The following LRRC7 variants were observed in gnomAD, a reference collection of about 807,000 sequenced individuals.
The protein encoded by LRRC7 is leucine rich repeat containing 7.
LRRC7 carries 23 observed loss-of-function variants against 175.7 expected under a neutral mutation model. The ratio of observed to expected loss-of-function variants is 0.13; its 90% CI spans 0.09 to 0.19. The LOEUF is 0.19. Ranked by LOEUF, LRRC7 falls within the 10% of genes least tolerant of loss-of-function variation. The probability of loss-of-function intolerance (pLI) is 1.00; values close to 1 mark genes in which losing one functional copy is unlikely to be tolerated. For missense variants in LRRC7, 1,354 were observed against 1,904.7 expected (o/e 0.71, Z 5.38); for synonymous variants, 685 against 680.9 (o/e 1.01, Z -0.09).
chr1:70,091,046 A>T (rs1443108192), intron 25 of LRRC7, among the ~76,000 whole-genome samples: 1 of 152,168 alleles, frequency 6.6e-6, no homozygotes, highest in African/African-American at 2.4e-5. Flanking sequence ...ATCTCCAGTG[A>T]CCAAGGATGG....
In LRRC7 at chr1:69,908,569, G is replaced by A. The variant is rs552656684; in HGVS notation, c.648-22938G>A. On this transcript the variant is annotated intron_variant, in intron 7 of 26. Transcript: ENST00000651989. ...TTGTTCAGTTTCCATGTAGTTGAGC[G>A]GTTTTGAGTGAGTTTGTTAGTCCTG... Among the ~76,000 whole-genome samples the A allele has an allele frequency of 2.9e-3, 436 of 152,024 alleles. 3 individuals are homozygous for A. The highest frequency in any genetic ancestry group is 9.0e-3 in the African/African-American group (371 of 41,420).
chr1:70,001,097 T>C (rs906726632), intron 11 of LRRC7, among the ~76,000 whole-genome samples: 2 of 152,184 alleles, frequency 1.3e-5, no homozygotes, highest in African/African-American at 4.8e-5. Flanking sequence ...AAGATCATTT[T>C]TGTTTCCCAG....
intron 1 of LRRC7, among the ~76,000 whole-genome samples, chr1:69,658,300 A>T (rs903612788): frequency 6.6e-6 from 1 of 152,014 alleles, no homozygotes; most frequent in Non-Finnish European, 1.5e-5. Flanking sequence ...CATCATGACA[A>T]CTGAATTTAT....
chr1:69,724,156 G>GA (rs555637567), intron 2 of LRRC7, among the ~76,000 whole-genome samples: 24 of 152,072 alleles, frequency 1.6e-4, no homozygotes, highest in African/African-American at 4.8e-4. Context: ...CCTCATCTGT[G>GA]AAAAAAATGG....
In LRRC7 at chr1:69,864,226, G is replaced by A. The variant is rs1266749317; in HGVS notation, c.647+25943G>A. On this transcript the variant is annotated intron_variant, in intron 7 of 26. Coordinates refer to ENST00000651989, the MANE Select transcript of LRRC7 (RefSeq NM_001370785.2). ...GTTTATTTATTTGCTTGTTTCCCTT[G>A]CAGGTCTATGAGTTCCCTTATGGGG... Among the ~76,000 whole-genome samples, 4 of 152,236 alleles carry A rather than the reference G, an allele frequency of 2.6e-5. No individual in the cohort carries two copies. The East Asian group carries it at 5.8e-4, about 22-fold the overall frequency.
intron 3 of LRRC7, among the ~76,000 whole-genome samples, chr1:69,790,339 C>T (rs1465262233): frequency 6.6e-6 from 1 of 151,988 alleles, no homozygotes; most frequent in African/African-American, 2.4e-5. Context: ...TTGTTACAGG[C>T]TGTTCAGAAG....
chr1:69,747,595 T>C (rs1471021953), intron 2 of LRRC7, among the ~76,000 whole-genome samples: 1 of 152,194 alleles, frequency 6.6e-6, no homozygotes. Flanking sequence ...TTCTATTCTC[T>C]TAATTCATTC....
At chr1:69,864,861 G>A (rs1684742324) in intron 7 of LRRC7, among the ~76,000 whole-genome samples, 1 of 152,136 alleles carries the variant, frequency 6.6e-6, no homozygotes, top group Admixed American at 6.5e-5. Flanking sequence ...TATAATGCTG[G>A]CTGGGTCTTA....
At chr1:69,786,125 A>T (rs571576980) in intron 3 of LRRC7, among the ~76,000 whole-genome samples, 1 of 152,190 alleles carries the variant, frequency 6.6e-6, no homozygotes, top group Non-Finnish European at 1.5e-5. Flanking sequence ...AGTGTTATCT[A>T]TGAGACAAAG....
At chr1:69,781,712 A>G (rs1309566568) in intron 3 of LRRC7, among the ~76,000 whole-genome samples, 3 of 30,768 alleles carry the variant, frequency 9.8e-5, no homozygotes, top group South Asian at 1.1e-3. Flanking sequence ...AGAAAGAAAG[A>G]AAGAAAGAAA....
intron 25 of LRRC7, among the ~76,000 whole-genome samples, chr1:70,102,812 G>A (rs569681068): frequency 2.3e-4 from 35 of 152,144 alleles, no homozygotes; most frequent in Non-Finnish European, 4.7e-4. Context: ...ATGAGGAAAA[G>A]TCCATAGAAG....
intron 3 of LRRC7, among the ~76,000 whole-genome samples, chr1:69,786,499 T>C (rs1029264850): frequency 3.3e-5 from 5 of 152,056 alleles, no homozygotes; most frequent in African/African-American, 1.2e-4. Flanking sequence ...TATTAGTCTA[T>C]TTTCATACTG....
In LRRC7 at chr1:69,973,602, G is replaced by A. The variant is rs1283660562; in HGVS notation, c.712-6777G>A. On this transcript the variant is annotated intron_variant, in intron 8 of 26. Coordinates refer to ENST00000651989, the MANE Select transcript of LRRC7 (RefSeq NM_001370785.2). ...TTCGTAGCTCATTTTGATTGATCAT[G>A]GTAAATCACCTTGAAAAGGATACAC... is the stretch of plus-strand genomic sequence containing the variant. Among the ~76,000 whole-genome samples, 3 of 152,054 alleles carry A rather than the reference G, an allele frequency of 2.0e-5. No individual in the cohort carries two copies. In the East Asian group the frequency reaches 5.8e-4, roughly 29 times the overall value.
At chr1:69,753,136 A>T (rs1434044625) in intron 2 of LRRC7, among the ~76,000 whole-genome samples, 1 of 152,090 alleles carries the variant, frequency 6.6e-6, no homozygotes, top group African/African-American at 2.4e-5. Flanking sequence ...TGCTCAACTC[A>T]GTTTCTGAAA....
intron 14 of LRRC7, among the ~76,000 whole-genome samples, chr1:70,016,986 T>A (rs1479418810): frequency 2.0e-5 from 3 of 152,138 alleles, no homozygotes; most frequent in Non-Finnish European, 2.9e-5. Flanking sequence ...TTAATGACAT[T>A]TGAAATATCA....
At chr1:69,980,647 G>A (rs2101888258) in intron 9 of LRRC7, among the ~76,000 whole-genome samples, 194 bp downstream of exon 9, 1 of 151,492 alleles carries the variant, frequency 6.6e-6, no homozygotes, top group South Asian at 2.1e-4. Flanking sequence ...AGTGTTATAG[G>A]TATACAAAAC....
chr1:70,070,857 G>C (rs915749946), intron 23 of LRRC7, among the ~76,000 whole-genome samples: 4 of 152,132 alleles, frequency 2.6e-5, no homozygotes, highest in Non-Finnish European at 4.4e-5. Flanking sequence ...CTTCATTACT[G>C]CTGGGTAGGA....
At chr1:69,717,848 AGAAAG>A (rs1434553515) in intron 2 of LRRC7, among the ~76,000 whole-genome samples, 673 of 44,806 alleles carry the variant, frequency 0.015, 35 homozygotes, top group East Asian at 0.021. Context: ...GAAAAAAGAA[AGAAAG>A]GAAAGAAAGA....
intron 1 of LRRC7, among the ~76,000 whole-genome samples, chr1:69,648,824 T>A (rs546436470): frequency 3.6e-4 from 55 of 152,338 alleles, no homozygotes; most frequent in African/African-American, 1.3e-3. Context: ...GGTTTTTGAC[T>A]TTTAGTAACA....
Sources: allele counts gnomAD v4.1 joint callset (sites outside exome capture counted in the v4.1 genomes callset), GRCh38; gene constraint gnomAD v4.1.1; transcripts MANE v1.5; gene names NCBI Gene and HGNC (gene_info 2026-07-23, HGNC 2026-07-21).